PRDX1: variants seen among roughly 807,000 people sequenced by gnomAD.
The protein encoded by PRDX1 is peroxiredoxin 1.
PRDX1 carries 19 observed loss-of-function variants against 20.7 expected under a neutral mutation model. That is an observed-to-expected ratio of 0.92 (90% confidence interval 0.64 to 1.35). The LOEUF is 1.35. Ranked by LOEUF, PRDX1 falls within the 40% of genes most tolerant of loss-of-function variation. The pLI is 0.00. For missense variants in PRDX1, 226 were observed against 240.0 expected (o/e 0.94, Z 0.38); for synonymous variants, 89 against 83.9 (o/e 1.06, Z -0.33).
At chr1:45,514,679 AT>A in intron 4 of PRDX1, 42 bp from the exon 5 acceptor site, 1 of 1,610,156 alleles carries the variant, frequency 6.2e-7, no homozygotes, top group Non-Finnish European at 8.5e-7. Flanking sequence ...AGGTTTAGAG[AT>A]GTGCTTTGTT....
At chr1:45,516,233 A>C (rs1192437401) in intron 2 of PRDX1, among the ~76,000 whole-genome samples, 1 of 152,254 alleles carries the variant, frequency 6.6e-6, no homozygotes, top group Non-Finnish European at 1.5e-5. Flanking sequence ...CACCAATAAG[A>C]AGTCACAGCC....
intron 2 of PRDX1, among the ~76,000 whole-genome samples, chr1:45,518,074 T>C (rs865793215): frequency 6.6e-6 from 1 of 152,088 alleles, no homozygotes; most frequent in African/African-American, 2.4e-5. Context: ...CTCACACCTG[T>C]TATCCCAGCA....
In PRDX1 at chr1:45,514,642, G is replaced by GA. The variant is rs750465030; in HGVS notation, c.384-6dup. The GA allele has an allele frequency of 2.4e-5, 39 of 1,613,588 alleles. No individual in the cohort carries two copies. In the East Asian group the frequency reaches 8.5e-4, roughly 35 times the overall value. Reference sequence around the variant, plus strand: ...TCATCAATGATAAAAAGGCCCCTGGGAAAAGAGATGAAAGGAAAAGCAATA... The same window carrying GA: ...TCATCAATGATAAAAAGGCCCCTGGGAAAAAGAGATGAAAGGAAAAGCAATA... On this transcript the variant is annotated splice_region_variant and splice_polypyrimidine_tract_variant and intron_variant, in intron 4 of 5. Coordinates refer to ENST00000319248, the MANE Select transcript of PRDX1 (RefSeq NM_181697.3).
chr1:45,520,344 C>T (rs1178815738), intron 1 of PRDX1, among the ~76,000 whole-genome samples: 1 of 151,560 alleles, frequency 6.6e-6, no homozygotes, highest in East Asian at 1.9e-4. Flanking sequence ...GGGCTAATAT[C>T]CCAGGGCGAA....
chr1:45,514,450 G>A (rs1188961004), intron 5 of PRDX1, 57 bp downstream of exon 5: 15 of 1,600,870 alleles, frequency 9.4e-6, no homozygotes, highest in Non-Finnish European at 1.3e-5. Flanking sequence ...GTGTGAAGGG[G>A]CAACCCACCC....
At chr1:45,516,792 C>A (rs535823327) in intron 2 of PRDX1, among the ~76,000 whole-genome samples, 1 of 151,882 alleles carries the variant, frequency 6.6e-6, no homozygotes, top group East Asian at 1.9e-4. Flanking sequence ...GAGGCCGAGG[C>A]GGGTGGATCA....
At chr1:45,514,755 T>TA in intron 4 of PRDX1, 118 bp from the exon 5 acceptor site, 1 of 1,565,458 alleles carries the variant, frequency 6.4e-7, no homozygotes, top group Non-Finnish European at 8.7e-7. Flanking sequence ...GGCCTGGCCT[T>TA]AGTGAGGAGG....
chr1:45,511,392 A>T lies in PRDX1; in HGVS notation c.537T>A (p.Pro179=). The T allele has an allele frequency of 6.2e-7, 1 of 1,613,200 alleles. No homozygotes were observed. Among genetic ancestry groups the T allele is most frequent in the Non-Finnish European group, 8.5e-7 (1 of 1,179,638 alleles). The change falls in exon 6 of 6, where the codon CCT becomes CCA. Residue 179 remains proline (P), a synonymous_variant. Coordinates refer to ENST00000319248, the MANE Select transcript of PRDX1 (RefSeq NM_181697.3). ...CATCAGGCTTGATGGTATCACTGCC[A>T]GGTTTCCAGCCAGCTGGGCACACTG... is the stretch of plus-strand genomic sequence containing the variant. ...HGEVCPAGWK[P]GSDTIKPDVQ...
rs528724916 is a variant in PRDX1, at chr1:45,514,736, A to G, written c.384-99T>C. ...CTGAAGGAAATGGACTGGTCTCCAC[A>G]CTCCTACTGGCCTGGCCTTAGTGAG... On this transcript the variant is annotated intron_variant, in intron 4 of 5. Coordinates refer to ENST00000319248, the MANE Select transcript of PRDX1 (RefSeq NM_181697.3). 2.5e-6 allele frequency: 4 copies of G among 1,573,820 alleles called. No homozygotes were observed. In the Admixed American group the frequency reaches 6.9e-5, roughly 27 times the overall value.
intron 2 of PRDX1, 89 bp from the exon 3 acceptor site, chr1:45,515,896 T>A: frequency 7.7e-7 from 1 of 1,300,290 alleles, no homozygotes; most frequent in Non-Finnish European, 1.0e-6. Flanking sequence ...AGTTGATGGC[T>A]GACACAATAA....
intron 5 of PRDX1, chr1:45,513,366 A>C (rs1014691960): frequency 1.3e-5 from 2 of 152,192 alleles, no homozygotes; most frequent in African/African-American, 4.8e-5. Flanking sequence ...CTTTGAATAA[A>C]AAGCCTTTAT....
At chr1:45,521,959 A>C (rs1409818647), upstream of PRDX1, 1 of 152,104 alleles carries the variant, frequency 6.6e-6, no homozygotes, top group African/African-American at 2.4e-5. Flanking sequence ...GGGGTGCCGG[A>C]GGAGGAGAGA....
chr1:45,517,646 G>T (rs1643872793), intron 2 of PRDX1, among the ~76,000 whole-genome samples: 1 of 152,088 alleles, frequency 6.6e-6, no homozygotes, highest in Non-Finnish European at 1.5e-5. Flanking sequence ...GCCAAGCATG[G>T]TTGCGGGCGC....
chr1:45,516,614 A>C (rs192595946), intron 2 of PRDX1, among the ~76,000 whole-genome samples: 1 of 152,344 alleles, frequency 6.6e-6, no homozygotes, highest in African/African-American at 2.4e-5. Context: ...ACAGATCTTC[A>C]AACTGGCCAG....
intron 2 of PRDX1, among the ~76,000 whole-genome samples, chr1:45,516,366 G>A (rs562770468): frequency 6.6e-6 from 1 of 152,340 alleles, no homozygotes; most frequent in Admixed American, 6.5e-5. Context: ...GTGCGTGTCT[G>A]TAGTCCCAGC....
chr1:45,518,467 C>CAA (rs35407028), intron 2 of PRDX1, among the ~76,000 whole-genome samples: 1,606 of 46,914 alleles, frequency 0.034, 74 homozygotes, highest in African/African-American at 0.074. Context: ...AACTCCATCT[C>CAA]AAAAAAAAAA....
intron 2 of PRDX1, among the ~76,000 whole-genome samples, chr1:45,516,911 C>T (rs1310094256): frequency 1.3e-5 from 2 of 151,166 alleles, no homozygotes; most frequent in Non-Finnish European, 2.9e-5. Flanking sequence ...ATCTCAGCTA[C>T]TGGGGAGGCT....
chr1:45,520,002 C>G (rs1643894450), intron 1 of PRDX1, among the ~76,000 whole-genome samples: 1 of 152,074 alleles, frequency 6.6e-6, no homozygotes, highest in Admixed American at 6.5e-5. Context: ...GTCAGGAGTT[C>G]GAGACCAGTC....
rs1312706646 is a variant in PRDX1, at chr1:45,515,812, G to A, written c.107-5C>T. The A allele has an allele frequency of 1.3e-6, 2 of 1,547,490 alleles. No homozygotes were observed. The highest frequency in any genetic ancestry group is 2.5e-5 in the South Asian group (2 of 80,842). ...AGAAGAACACAACATATTTTCCTGG[G>A]GGGAAAATCGGAGTCATGGTTAGCA... On this transcript the variant is annotated splice_region_variant and splice_polypyrimidine_tract_variant and intron_variant, in intron 2 of 5. Transcript: ENST00000319248.
Sources: allele counts gnomAD v4.1 joint callset (sites outside exome capture counted in the v4.1 genomes callset), GRCh38; gene constraint gnomAD v4.1.1; transcripts MANE v1.5; gene names NCBI Gene and HGNC (gene_info 2026-07-23, HGNC 2026-07-21).